The following CRACD variants were observed in gnomAD, a reference collection of about 807,000 sequenced individuals.
The protein encoded by CRACD is capping protein inhibiting regulator of actin dynamics.
A neutral mutation model predicts 106.8 loss-of-function variants in CRACD; 56 were observed. That is an observed-to-expected ratio of 0.52 (90% CI 0.42 to 0.66). The LOEUF (loss-of-function observed/expected upper bound fraction) is 0.66, where lower values mean the gene tolerates loss of function less well. Ranked by LOEUF, CRACD falls within the 30% of genes least tolerant of loss-of-function variation. CRACD has a pLI of 0.00. For missense variants in CRACD, 1,730 were observed against 1,623.2 expected (o/e 1.07, Z -1.13); for synonymous variants, 754 against 670.8 (o/e 1.12, Z -1.92).
intron 1 of CRACD, among the ~76,000 whole-genome samples, chr4:56,104,238 A>C (rs1026615278): frequency 4.6e-5 from 7 of 152,138 alleles, no homozygotes; most frequent in Non-Finnish European, 1.0e-4. Context: ...ATCTACAAAA[A>C]ATAAAAAAAT....
At chr4:56,245,629 C>A (rs1355867810) in intron 2 of CRACD, among the ~76,000 whole-genome samples, 1 of 152,164 alleles carries the variant, frequency 6.6e-6, no homozygotes, top group Non-Finnish European at 1.5e-5. Context: ...ACTATTTGTT[C>A]TACTGCAGCA....
chr4:56,070,534 G>C (rs1040419334), intron 1 of CRACD, among the ~76,000 whole-genome samples: 1 of 151,972 alleles, frequency 6.6e-6, no homozygotes, highest in Non-Finnish European at 1.5e-5. Context: ...TGATCCGCCC[G>C]CCTCGGCCTC....
intron 2 of CRACD, among the ~76,000 whole-genome samples, chr4:56,252,862 A>G (rs1741130691): frequency 6.6e-6 from 1 of 152,338 alleles, no homozygotes; most frequent in Non-Finnish European, 1.5e-5. Flanking sequence ...TTTGCCCCTA[A>G]GAGTAGAACC....
At chr4:56,144,083 A>C (rs1347830793) in intron 1 of CRACD, among the ~76,000 whole-genome samples, 1 of 152,156 alleles carries the variant, frequency 6.6e-6, no homozygotes, top group African/African-American at 2.4e-5. Context: ...ATCAGGCAGG[A>C]GTGGAAAGGA....
intron 2 of CRACD, among the ~76,000 whole-genome samples, chr4:56,231,078 A>T (rs891282863): frequency 2.0e-5 from 3 of 151,714 alleles, no homozygotes; most frequent in Admixed American, 1.3e-4. Context: ...AAACAAAAAA[A>T]TTGTTAACAA....
chr4:56,174,659 A>G, intron 1 of CRACD, among the ~76,000 whole-genome samples: 1 of 152,184 alleles, frequency 6.6e-6, no homozygotes, highest in East Asian at 1.9e-4. Flanking sequence ...TATATATAAC[A>G]CATATTCTTT....
chr4:56,127,605 C>G (rs7675482), intron 1 of CRACD, among the ~76,000 whole-genome samples: 84,674 of 152,010 alleles, frequency 0.56, 23,939 homozygotes, highest in African/African-American at 0.67. Flanking sequence ...ATAATGTTTT[C>G]GGAAGGTAAT....
Position 56,298,328 on chromosome 4 carries a change from G to A in CRACD, c.99G>A (p.Leu33=), listed in dbSNP as rs752591162. 1 of 1,614,090 alleles carries A rather than the reference G, an allele frequency of 6.2e-7. No individual in the cohort carries two copies. Among genetic ancestry groups the A allele is most frequent in the Non-Finnish European group, 8.5e-7 (1 of 1,180,004 alleles). The change falls in exon 4 of 11, where the codon CTG becomes CTA. Residue 33 remains leucine (L), a synonymous_variant. Transcript: ENST00000682029. ...AAGCAATGTCACAGGACAACATCCTGGGCAAAGTCAAAACTCTTCAGGTAA... is the reference window on the plus strand; with the variant it reads ...AAGCAATGTCACAGGACAACATCCTAGGCAAAGTCAAAACTCTTCAGGTAA... ...TVQAMSQDNI[L]GKVKTLQQQL...
intron 1 of CRACD, among the ~76,000 whole-genome samples, chr4:56,124,198 A>G (rs1266702618): frequency 6.6e-6 from 1 of 152,196 alleles, no homozygotes; most frequent in Non-Finnish European, 1.5e-5. Flanking sequence ...TCAGCCTCCC[A>G]AAGTGCTGGG....
chr4:56,219,891 A>G (rs892476804), intron 2 of CRACD, among the ~76,000 whole-genome samples: 3 of 152,230 alleles, frequency 2.0e-5, no homozygotes, highest in African/African-American at 7.2e-5. Context: ...GTTGGGTAAG[A>G]TATTTAATAT....
At chr4:56,089,040 A>G (rs1049137158) in intron 1 of CRACD, among the ~76,000 whole-genome samples, 1 of 152,158 alleles carries the variant, frequency 6.6e-6, no homozygotes, top group Admixed American at 6.5e-5. Context: ...TTTCTGTAGT[A>G]TTGTACCTCA....
At chr4:56,189,954 T>A (rs1737291819) in intron 2 of CRACD, among the ~76,000 whole-genome samples, 1 of 139,212 alleles carries the variant, frequency 7.2e-6, no homozygotes, top group African/African-American at 2.6e-5. Flanking sequence ...TATCTCCCAA[T>A]GCTAACCCTC....
intron 2 of CRACD, among the ~76,000 whole-genome samples, chr4:56,246,350 A>G (rs1277272521): frequency 6.6e-6 from 1 of 152,172 alleles, no homozygotes; most frequent in Non-Finnish European, 1.5e-5. Context: ...AAGTGAGGTT[A>G]CTTGCTGTGT....
At chr4:56,198,734 G>A (rs770315946) in intron 2 of CRACD, among the ~76,000 whole-genome samples, 15 of 151,776 alleles carry the variant, frequency 9.9e-5, no homozygotes, top group Non-Finnish European at 1.5e-4. Context: ...CTGACTGAAA[G>A]TAAACAAAAA....
At chr4:56,142,128 A>G (rs370627670) in intron 1 of CRACD, among the ~76,000 whole-genome samples, 1 of 152,336 alleles carries the variant, frequency 6.6e-6, no homozygotes, top group African/African-American at 2.4e-5. Flanking sequence ...ATCATTGTTA[A>G]TATTTTATTG....
intron 1 of CRACD, among the ~76,000 whole-genome samples, chr4:56,138,902 T>C (rs1261051956): frequency 6.6e-6 from 1 of 152,220 alleles, no homozygotes; most frequent in Non-Finnish European, 1.5e-5. Flanking sequence ...GATCTTCTAT[T>C]TTCTCAGCAG....
Position 56,329,276 on chromosome 4 carries a change from G to A in CRACD, c.*1472G>A, listed in dbSNP as rs956117541. Among the ~76,000 whole-genome samples the A allele has an allele frequency of 5.9e-5, 9 of 152,092 alleles. No homozygotes were observed. The highest frequency in any genetic ancestry group is 1.4e-4 in the African/African-American group (6 of 41,402). On this transcript the variant is annotated 3_prime_UTR_variant, in exon 11 of 11. Coordinates refer to ENST00000682029, the MANE Select transcript of CRACD (RefSeq NM_001393381.1). ...CTTAGATTCTTACTCCGAAATATAG[G>A]TACACATCCTTTGCTCTGTGCAGAG... is the stretch of plus-strand genomic sequence containing the variant.
At chr4:56,301,026 T>C (rs929747370) in intron 4 of CRACD, among the ~76,000 whole-genome samples, 18 of 152,264 alleles carry the variant, frequency 1.2e-4, no homozygotes, top group African/African-American at 4.3e-4. Flanking sequence ...TCAGATGAAG[T>C]CTGCCTAGTT....
chr4:56,069,870 A>G (rs888992740), intron 1 of CRACD, among the ~76,000 whole-genome samples: 1 of 152,250 alleles, frequency 6.6e-6, no homozygotes, highest in African/African-American at 2.4e-5. Context: ...AAATAGTCAT[A>G]GCAGGCCGGA....
Sources: gnomAD v4.1 joint callset for allele counts (sites outside exome capture counted in the v4.1 genomes callset) on GRCh38, gnomAD v4.1.1 for gene constraint, MANE v1.5 for transcripts, NCBI Gene and HGNC (gene_info 2026-07-23, HGNC 2026-07-21) for gene names.